Variants in USP49 observed in about 807,000 individuals in gnomAD.
The protein encoded by USP49 is ubiquitin carboxyl-terminal hydrolase 49.
USP49 carries 24 observed loss-of-function variants against 58.6 expected under a neutral mutation model. The ratio of observed to expected loss-of-function variants is 0.41; its 90% CI spans 0.30 to 0.58. USP49 has a LOEUF of 0.58. USP49 is among the 20% of genes least tolerant of loss of function. USP49 has a pLI of 0.30. For missense variants in USP49, 703 were observed against 866.1 expected, an observed-to-expected ratio of 0.81 and a Z score of 2.36; for synonymous variants, 408 against 365.1, an observed-to-expected ratio of 1.12 and a Z score of -1.34.
intron 7 of USP49, chr6:41,798,335 A>G: frequency 4.6e-6 from 1 of 216,934 alleles, no homozygotes; most frequent in Non-Finnish European, 9.3e-6. Context: ...GTGCAGTGGC[A>G]TAATCTTGGC....
chr6:41,837,757 A>C (rs1185130167), intron 3 of USP49, among the ~76,000 whole-genome samples: 1 of 152,208 alleles, frequency 6.6e-6, no homozygotes, highest in Non-Finnish European at 1.5e-5. Context: ...TAAATTAACA[A>C]GCAAAAAACA....
At position 41,792,384 on chromosome 6, in the gene USP49, G is replaced by A. The variant is rs1266389048; in HGVS notation, c.*4149C>T. 1 of 152,148 alleles carries A rather than the reference G, an allele frequency of 6.6e-6. No individual in the cohort carries two copies. The highest frequency in any genetic ancestry group is 1.5e-5 in the Non-Finnish European group (1 of 68,038). The allele number at this position is 152,148 out of a possible 1,614,324, so 9.4% of individuals were successfully genotyped here. A position where few individuals can be genotyped will look rare whatever the true frequency, so the allele number is the denominator to read the frequency against. On this transcript the variant is annotated 3_prime_UTR_variant, in exon 8 of 8. Coordinates refer to ENST00000682992, the MANE Select transcript of USP49 (RefSeq NM_001286554.2). The stretch of plus-strand genomic sequence containing the variant: ...TTTTGTTTGACTTCTGCTATATGTT[G>A]CCCAGCATTAGTCATTGTTTTGATA...
chr6:41,877,644 C>A (rs1774526047), intron 2 of USP49, among the ~76,000 whole-genome samples: 1 of 151,592 alleles, frequency 6.6e-6, no homozygotes, highest in Middle Eastern at 3.4e-3. Context: ...CTCACTGCAA[C>A]CTCTGCCTCC....
At chr6:41,846,368 G>C (rs1773923779) in intron 3 of USP49, among the ~76,000 whole-genome samples, 1 of 152,076 alleles carries the variant, frequency 6.6e-6, no homozygotes, top group African/African-American at 2.4e-5. Flanking sequence ...ATATCAACAA[G>C]ATGGTAGACT....
chr6:41,851,820 C>A (rs543510658), intron 3 of USP49, among the ~76,000 whole-genome samples: 3 of 151,268 alleles, frequency 2.0e-5, no homozygotes, highest in East Asian at 2.0e-4. Context: ...CCAGGCATTG[C>A]GGCGGGCACC....
intron 3 of USP49, among the ~76,000 whole-genome samples, chr6:41,838,462 C>T (rs1042490947): frequency 1.3e-5 from 2 of 152,170 alleles, no homozygotes; most frequent in Non-Finnish European, 2.9e-5. Context: ...GCAGATATTC[C>T]CCAGAACCAG....
chr6:41,807,505 A>G (rs953952950), intron 3 of USP49, among the ~76,000 whole-genome samples: 1 of 152,078 alleles, frequency 6.6e-6, no homozygotes, highest in Non-Finnish European at 1.5e-5. Context: ...CAGTGGCGGG[A>G]TATCAGCTCA....
At chr6:41,842,973 C>G (rs1431273890) in intron 3 of USP49, among the ~76,000 whole-genome samples, 2 of 152,036 alleles carry the variant, frequency 1.3e-5, no homozygotes, top group Non-Finnish European at 2.9e-5. Flanking sequence ...TTCACAGACA[C>G]AAGCATAGTG....
At chr6:41,837,138 G>T (rs186281481) in intron 3 of USP49, among the ~76,000 whole-genome samples, 170 of 152,142 alleles carry the variant, frequency 1.1e-3, no homozygotes, top group African/African-American at 3.9e-3. Context: ...CCAAAAAAGA[G>T]CCTGAATAGC....
At chr6:41,875,477 A>G (rs932460371) in intron 2 of USP49, among the ~76,000 whole-genome samples, 36 of 152,200 alleles carry the variant, frequency 2.4e-4, no homozygotes, top group African/African-American at 8.4e-4. Flanking sequence ...AATATCTTTT[A>G]TGTCTGAAAA....
At chr6:41,848,233 G>T (rs921472929) in intron 3 of USP49, among the ~76,000 whole-genome samples, 8 of 151,174 alleles carry the variant, frequency 5.3e-5, no homozygotes, top group Non-Finnish European at 1.0e-4. Flanking sequence ...AATGAGAAGA[G>T]AATCAACATA....
intron 2 of USP49, among the ~76,000 whole-genome samples, chr6:41,872,742 CAA>C (rs561693628): frequency 2.4e-5 from 3 of 126,956 alleles, no homozygotes. Context: ...ACTAAAAATA[CAA>C]AAAAAAAAAA....
At chr6:41,798,993 G>A in intron 6 of USP49, 64 bp from the exon 7 acceptor site, 2 of 1,537,170 alleles carry the variant, frequency 1.3e-6, no homozygotes, top group East Asian at 4.5e-5. Context: ...GGTAGAGGTA[G>A]GTATTAATAA....
At chr6:41,827,671 T>C (rs931887339) in intron 3 of USP49, among the ~76,000 whole-genome samples, 7 of 98,980 alleles carry the variant, frequency 7.1e-5, no homozygotes, top group Admixed American at 2.6e-4. Flanking sequence ...CAAGACTCTG[T>C]CTCCAAAAAA....
Position 41,794,063 on chromosome 6 carries a change from C to A in USP49, c.*2470G>T, listed in dbSNP as rs1581985243. On this transcript the variant is annotated 3_prime_UTR_variant, in exon 8 of 8. Coordinates refer to ENST00000682992, the MANE Select transcript of USP49 (RefSeq NM_001286554.2). ...TAAATTAAAGGCAAAGGGACATTTC[C>A]CTCACAATAGCCATTGGCTTATGCA... is the stretch of plus-strand genomic sequence containing the variant. The A allele has an allele frequency of 4.6e-5, 7 of 152,288 alleles. No individual in the cohort carries two copies. The South Asian group carries it at 1.0e-3, about 23-fold the overall frequency. 9.4% of individuals were successfully genotyped at this position (152,288 alleles called of 1,614,324 possible).
At chr6:41,851,241 CA>C (rs1561917771) in intron 3 of USP49, among the ~76,000 whole-genome samples, 1 of 152,062 alleles carries the variant, frequency 6.6e-6, no homozygotes. Context: ...AAACCCTCAA[CA>C]AAATACTGGA....
chr6:41,798,977 A>T, intron 6 of USP49, 48 bp from the exon 7 acceptor site: 1 of 1,590,100 alleles, frequency 6.3e-7, no homozygotes, highest in Non-Finnish European at 8.6e-7. Flanking sequence ...GGCATATATA[A>T]TCGTAGGTAG....
At chr6:41,888,916 A>G (rs1774763734) in intron 2 of USP49, among the ~76,000 whole-genome samples, 1 of 152,224 alleles carries the variant, frequency 6.6e-6, no homozygotes, top group Non-Finnish European at 1.5e-5. Context: ...TGTCACAACA[A>G]CAGAAAAGAC....
In USP49 at chr6:41,856,203, C is replaced by G. The variant is rs182718738; in HGVS notation, c.-29+15361G>C. ...CCTCGCTAACATGGTGAAACCCTGT[C>G]TCTACTAAAAATACAAAAAAAATTA... On this transcript the variant is annotated intron_variant, in intron 3 of 7. Transcript: ENST00000682992. 3.9e-3 allele frequency among the ~76,000 whole-genome samples: 591 copies of G among 152,070 alleles called. 4 individuals are homozygous for G. The highest frequency in any genetic ancestry group is 0.014 in the African/African-American group (572 of 41,486).
Sources: gnomAD v4.1 joint callset for allele counts (sites outside exome capture counted in the v4.1 genomes callset) on GRCh38, gnomAD v4.1.1 for gene constraint, MANE v1.5 for transcripts, NCBI Gene and HGNC (gene_info 2026-07-23, HGNC 2026-07-21) for gene names.